The following XPA variants were observed in gnomAD, a reference collection of about 807,000 sequenced individuals.
XPA encodes DNA repair protein complementing XP-A cells.
In XPA, 27 loss-of-function variants were observed where a neutral mutation model predicts 35.7. That is an observed-to-expected ratio of 0.76 (90% CI 0.56 to 1.04). The LOEUF is 1.04. Ranked by LOEUF, XPA falls within the 50% of genes least tolerant of loss-of-function variation. The probability of loss-of-function intolerance (pLI) is 0.00; values close to 1 mark genes in which losing one functional copy is unlikely to be tolerated. For synonymous variants in XPA, 133 were observed against 118.4 expected (o/e 1.12, Z -0.80); for missense variants, 354 against 342.7 (o/e 1.03, Z -0.26).
chr9:97,670,764 G>T (rs1450640898), downstream of XPA, among the ~76,000 whole-genome samples: 1 of 152,202 alleles, frequency 6.6e-6, no homozygotes, highest in Non-Finnish European at 1.5e-5. Flanking sequence ...TGACTGGGGA[G>T]AGAGCTAGCT....
At chr9:97,673,384 T>G (rs1248810253), downstream of XPA, 2 of 152,184 alleles carry the variant, frequency 1.3e-5, no homozygotes, top group Non-Finnish European at 2.9e-5. Context: ...CAAAACTGCT[T>G]TGTAATCTTT....
chr9:97,674,138 C>CG (rs1828279424), downstream of XPA, among the ~76,000 whole-genome samples: 1 of 151,366 alleles, frequency 6.6e-6, no homozygotes, highest in African/African-American at 2.4e-5. Flanking sequence ...AGCTCCTTCC[C>CG]CGCCCCCATA....
the XPA span, among the ~76,000 whole-genome samples, chr9:97,657,999 G>T: frequency 6.8e-6 from 1 of 146,858 alleles, no homozygotes; most frequent in Non-Finnish European, 1.5e-5. Context: ...ACATATTTAG[G>T]ATCATCTTGC....
chr9:97,671,007 G>A, downstream of XPA: 1 of 854,790 alleles, frequency 1.2e-6, no homozygotes, highest in Non-Finnish European at 1.9e-6. Flanking sequence ...CAGCATGGGT[G>A]GGCTGCTGAA....
At chr9:97,691,483 C>G (rs544436269) in intron 2 of XPA, among the ~76,000 whole-genome samples, 1 of 152,268 alleles carries the variant, frequency 6.6e-6, no homozygotes, top group Non-Finnish European at 1.5e-5. Flanking sequence ...GGGTGGATCA[C>G]TTGAGTCCAG....
chr9:97,665,576 C>A, the XPA span, among the ~76,000 whole-genome samples: 1 of 152,184 alleles, frequency 6.6e-6, no homozygotes, highest in Admixed American at 6.5e-5. Context: ...TAGTCCACCC[C>A]CTCCAGAGTT....
intron 2 of XPA, among the ~76,000 whole-genome samples, chr9:97,692,877 G>A (rs374958978): frequency 6.6e-6 from 1 of 152,002 alleles, no homozygotes; most frequent in East Asian, 1.9e-4. Context: ...CCCACCCTGG[G>A]TTTTGTCTTC....
intron 4 of XPA, among the ~76,000 whole-genome samples, chr9:97,686,798 A>G (rs1828730286): frequency 6.6e-6 from 1 of 152,052 alleles, no homozygotes; most frequent in African/African-American, 2.4e-5. Flanking sequence ...TGCTACTCAG[A>G]AGGCTGAGGT....
the XPA span, chr9:97,654,900 G>A: frequency 6.2e-7 from 1 of 1,613,246 alleles, no homozygotes; most frequent in Non-Finnish European, 8.5e-7. Flanking sequence ...CAACTGAAAT[G>A]CTATACATGC....
chr9:97,674,429 AAAAAT>A (rs1220493472), downstream of XPA, among the ~76,000 whole-genome samples: 1 of 152,252 alleles, frequency 6.6e-6, no homozygotes, highest in African/African-American at 2.4e-5. Flanking sequence ...TTAAAGAAAA[AAAAAT>A]GGAAATGTTT....
rs1166051709 is a variant in XPA at position 97,687,195 on chromosome 9, G to A, written c.456C>T (p.Asp152=). ...TEAKQEYLLK[D]CDLEKREPPL... ...GTGGCTCTCTTTTTTCTAAATCACA[G>A]TCTTTCAGAAGATATTCTTGTTTTG... Residue 152 remains aspartate, a synonymous_variant, in exon 4 of 6, where the codon GAC becomes GAT. Coordinates refer to ENST00000375128, the MANE Select transcript of XPA (RefSeq NM_000380.4). 3.7e-6 allele frequency: 6 copies of A among 1,611,782 alleles called. No individual in the cohort carries two copies. The African/African-American group carries it at 6.7e-5, about 18-fold the overall frequency.
intron 2 of XPA, among the ~76,000 whole-genome samples, chr9:97,691,891 ATATATATATAT>A (rs1828902150): frequency 1.1e-5 from 1 of 92,848 alleles, no homozygotes; most frequent in African/African-American, 3.0e-5. Flanking sequence ...AAATAAATAT[ATATATATATAT>A]ATATATATAT....
At chr9:97,669,392 G>A in the XPA span, among the ~76,000 whole-genome samples, 2 of 152,150 alleles carry the variant, frequency 1.3e-5, no homozygotes, top group African/African-American at 4.8e-5. Context: ...AGGTCTTTAT[G>A]TATTGCCAGG....
downstream of XPA, chr9:97,672,803 GATTTT>G (rs147264454): frequency 0.04 from 6,256 of 157,258 alleles, 445 homozygotes; most frequent in African/African-American, 0.14. Context: ...TTTTTCTTAT[GATTTT>G]ATTTTCTTTT....
chr9:97,669,454 A>C, the XPA span: 3 of 625,300 alleles, frequency 4.8e-6, no homozygotes, highest in East Asian at 8.2e-5. Context: ...GGTTGACTTC[A>C]TGAATAATGG....
At position 97,675,495 on chromosome 9, in the gene XPA, T is replaced by C. The variant is rs57519506; in HGVS notation, c.766A>G (p.Met256Val). The C allele has an allele frequency of 1.5e-3, 2,481 of 1,614,008 alleles. 33 individuals are homozygous for C. In the African/African-American group the frequency reaches 0.03, roughly 19 times the overall value. Residue 256 changes from methionine (M) to valine (V), a missense_variant, in exon 6 of 6, where the codon ATG becomes GTG. By Grantham distance (21) the Met-to-Val change is conservative. Transcript: ENST00000375128. The stretch of plus-strand genomic sequence containing the variant: ...CACATAGTACAAGTCTTACGGTACA[T>C]GTCATCTTCTAGGTTTTCTTCTGGT... ...YGPEENLEDD[M>V]YRKTCTMCGH...
the XPA span, chr9:97,669,025 A>G: frequency 6.6e-7 from 1 of 1,504,936 alleles, no homozygotes; most frequent in Non-Finnish European, 9.0e-7. Flanking sequence ...ACATTTCTTT[A>G]GTTTTAGTTT....
At chr9:97,655,218 T>C in the XPA span, among the ~76,000 whole-genome samples, 3 of 152,172 alleles carry the variant, frequency 2.0e-5, no homozygotes, top group South Asian at 6.2e-4. Context: ...TGCAATTTCT[T>C]TTTTTTATTT....
At chr9:97,654,862 C>T in the XPA span, 2 of 1,611,734 alleles carry the variant, frequency 1.2e-6, no homozygotes, top group South Asian at 1.1e-5. Context: ...AATAGTTTTC[C>T]TTATCCTAAA....
Sources: allele counts gnomAD v4.1 joint callset (sites outside exome capture counted in the v4.1 genomes callset), GRCh38; gene constraint gnomAD v4.1.1; transcripts MANE v1.5; gene names NCBI Gene and HGNC (gene_info 2026-07-23, HGNC 2026-07-21).